Variants in STIM1 observed in about 807,000 individuals in gnomAD.
STIM1 encodes stromal interaction molecule 1.
STIM1 carries 25 observed loss-of-function variants against 74.7 expected under a neutral mutation model. That is an observed-to-expected ratio of 0.33 (90% CI 0.24 to 0.47). The LOEUF is 0.47. STIM1 is among the 20% of genes least tolerant of loss of function. The pLI, the probability that STIM1 is intolerant of heterozygous loss-of-function variation, is 1.00. For missense variants in STIM1, 728 were observed against 920.8 expected, an observed-to-expected ratio of 0.79 and a Z score of 2.71; for synonymous variants, 328 against 348.8, an observed-to-expected ratio of 0.94 and a Z score of 0.66.
At chr11:4,028,219 T>TA (rs2094014353) in intron 3 of STIM1, among the ~76,000 whole-genome samples, 1 of 151,870 alleles carries the variant, frequency 6.6e-6, no homozygotes, top group African/African-American at 2.4e-5. Flanking sequence ...GTAGCTGGGA[T>TA]TACAAGTGTG....
At chr11:3,929,794 T>C (rs1411412156) in intron 1 of STIM1, among the ~76,000 whole-genome samples, 2 of 152,182 alleles carry the variant, frequency 1.3e-5, no homozygotes, top group Non-Finnish European at 2.9e-5. Flanking sequence ...GGTCTGAAAT[T>C]CAACCCAGTC....
intron 12 of STIM1, among the ~76,000 whole-genome samples, chr11:4,087,853 C>T (rs373601731): frequency 2.7e-5 from 4 of 149,962 alleles, no homozygotes; most frequent in South Asian, 2.1e-4. Context: ...GTGGACATAA[C>T]GTCCTTCATG....
At position 3,894,434 on chromosome 11, in the gene STIM1, A is replaced by G. The variant is rs1445534793; in HGVS notation, c.139+38025A>G. Among the ~76,000 whole-genome samples the G allele has an allele frequency of 3.3e-5, 5 of 152,098 alleles. No homozygotes were observed. In the South Asian group the frequency reaches 1.0e-3, roughly 32 times the overall value. On this transcript the variant is annotated intron_variant, in intron 1 of 12. Transcript: ENST00000526596. The stretch of plus-strand genomic sequence containing the variant: ...TGGGGGGTTCTGCTTTGATGAGCAA[A>G]GGAAGTGGTTAAGTCCCTGGGGCCT...
At chr11:3,883,798 G>C (rs1052215261) in intron 1 of STIM1, among the ~76,000 whole-genome samples, 1 of 152,184 alleles carries the variant, frequency 6.6e-6, no homozygotes, top group Non-Finnish European at 1.5e-5. Flanking sequence ...TGAAACTTGA[G>C]TATAGACTGA....
At chr11:4,006,837 A>G (rs990523289) in intron 2 of STIM1, among the ~76,000 whole-genome samples, 1 of 152,144 alleles carries the variant, frequency 6.6e-6, no homozygotes, top group Non-Finnish European at 1.5e-5. Flanking sequence ...TGGTTTGGGA[A>G]ATATGGAAGG....
chr11:3,982,203 T>G (rs897279169), intron 2 of STIM1, among the ~76,000 whole-genome samples: 5 of 151,740 alleles, frequency 3.3e-5, no homozygotes, highest in African/African-American at 4.8e-5. Flanking sequence ...ATTTTTGTAT[T>G]TTTTGTAGAG....
chr11:3,860,110 A>T (rs1255893049), intron 1 of STIM1, among the ~76,000 whole-genome samples: 1 of 152,222 alleles, frequency 6.6e-6, no homozygotes, highest in African/African-American at 2.4e-5. Context: ...TAAATATATT[A>T]TCTTGTGGAA....
chr11:3,863,143 C>G (rs141581030), intron 1 of STIM1, among the ~76,000 whole-genome samples: 1,936 of 152,218 alleles, frequency 0.013, 43 homozygotes, highest in African/African-American at 0.045. Context: ...ATCCACCTGT[C>G]TCAGCCTCCC....
intron 2 of STIM1, among the ~76,000 whole-genome samples, chr11:4,010,342 T>G (rs1370188263): frequency 1.3e-5 from 2 of 152,080 alleles, no homozygotes; most frequent in Non-Finnish European, 2.9e-5. Flanking sequence ...AGCTGATTTT[T>G]GTATTTTTAG....
At chr11:3,941,791 A>G (rs1213474653) in intron 1 of STIM1, among the ~76,000 whole-genome samples, 1 of 151,618 alleles carries the variant, frequency 6.6e-6, no homozygotes. Context: ...GGCTAAAGCA[A>G]TCCTCCCACC....
Position 4,083,495 on chromosome 11 carries a change from C to A in STIM1, c.1471C>A (p.Gln491Lys). 5 of 1,612,834 alleles carry A rather than the reference C, an allele frequency of 3.1e-6. No individual in the cohort carries two copies. The highest frequency in any genetic ancestry group is 4.2e-6 in the Non-Finnish European group (5 of 1,179,300). ...DEEIVSPLSM[Q>K]YAAWLMGRRF... ...GGAGATTGTGTCTCCCTTGTCCATG[C>A]AGTGTAGGTGACCTCTTTGCGGGGA... The change falls in exon 10 of 13, where the codon CAG (glutamine) becomes AAG (lysine). Residue 491 changes from glutamine to lysine, a missense_variant. Gln to Lys is a moderately conservative substitution (Grantham distance 53). Around this residue, in one of 5 missense-constraint regions of STIM1, gnomAD observed 352 missense variants for 370.1 expected, o/e 0.95. Coordinates refer to ENST00000526596, the MANE Select transcript of STIM1 (RefSeq NM_001382567.1).
At chr11:4,010,871 C>G (rs1188797231) in intron 2 of STIM1, among the ~76,000 whole-genome samples, 1 of 152,112 alleles carries the variant, frequency 6.6e-6, no homozygotes, top group East Asian at 1.9e-4. Flanking sequence ...CCTCCCCCAG[C>G]CCCCAGCCCC....
At chr11:3,864,977 T>G (rs1313582945) in intron 1 of STIM1, among the ~76,000 whole-genome samples, 1 of 152,218 alleles carries the variant, frequency 6.6e-6, no homozygotes, top group Non-Finnish European at 1.5e-5. Context: ...AGAAACTAGC[T>G]TTTTATCCTA....
intron 1 of STIM1, among the ~76,000 whole-genome samples, chr11:3,861,847 G>A (rs1222395903): frequency 6.6e-6 from 1 of 152,196 alleles, no homozygotes; most frequent in South Asian, 2.1e-4. Context: ...GAAGTGATGA[G>A]ATCTTGTGGA....
chr11:3,929,409 G>T (rs1362524008), intron 1 of STIM1, among the ~76,000 whole-genome samples: 2 of 152,164 alleles, frequency 1.3e-5, no homozygotes, highest in African/African-American at 4.8e-5. Flanking sequence ...GGCTGGAGGT[G>T]CCAGGATTTT....
chr11:3,943,487 T>TG (rs1262120373), intron 1 of STIM1, among the ~76,000 whole-genome samples: 1 of 152,222 alleles, frequency 6.6e-6, no homozygotes, highest in Non-Finnish European at 1.5e-5. Flanking sequence ...CAATAAAGAC[T>TG]GTAAGCTGGT....
At chr11:4,083,170 TA>T in intron 9 of STIM1, 92 bp from the exon 10 acceptor site, 1 of 1,382,102 alleles carries the variant, frequency 7.2e-7, no homozygotes, top group Non-Finnish European at 1.0e-6. Context: ...TATTCACACA[TA>T]TTCTCAAAAC....
In STIM1 at chr11:4,092,171, C is replaced by A; in HGVS notation, c.*373C>A. 3.0e-6 allele frequency: 1 copy of A among 336,692 alleles called. No individual in the cohort carries two copies. The highest frequency in any genetic ancestry group is 5.7e-6 in the Non-Finnish European group (1 of 174,286). 20.9% of individuals were successfully genotyped at this position (336,692 alleles called of 1,614,324 possible). On this transcript the variant is annotated 3_prime_UTR_variant, in exon 13 of 13. Transcript: ENST00000526596. ...GTTTCTGTCTCTTGCTTTCGGGCTC[C>A]TCCCTCCCACCACTCCCCAACTTCC... is the stretch of plus-strand genomic sequence containing the variant.
chr11:3,858,253 TG>T (rs200569273), intron 1 of STIM1, among the ~76,000 whole-genome samples: 34,668 of 148,950 alleles, frequency 0.23, 4,733 homozygotes, highest in South Asian at 0.36. Flanking sequence ...TTTTGTTTTT[TG>T]TTTTTCGCCT....
Sources: allele counts gnomAD v4.1 joint callset (sites outside exome capture counted in the v4.1 genomes callset), GRCh38; gene constraint gnomAD v4.1.1; regional missense constraint gnomAD v4.1.1; transcripts MANE v1.5; gene names NCBI Gene and HGNC (gene_info 2026-07-23, HGNC 2026-07-21).